NINL: variants seen among roughly 807,000 people sequenced by gnomAD.
NINL encodes ninein like.
In NINL, 153 loss-of-function variants were observed where a neutral mutation model predicts 160.3. The observed-to-expected ratio is 0.95, with a 90% CI of 0.84 to 1.09. NINL has a LOEUF of 1.09. NINL is among the 50% of genes least tolerant of loss of function. The pLI, the probability that NINL is intolerant of heterozygous loss-of-function variation, is 0.00. For missense variants in NINL, 1,829 were observed against 1,764.0 expected (o/e 1.04, Z -0.66); for synonymous variants, 800 against 734.8 (o/e 1.09, Z -1.43).
At chr20:25,526,832 T>C (rs986400640) in intron 1 of NINL, among the ~76,000 whole-genome samples, 1 of 152,136 alleles carries the variant, frequency 6.6e-6, no homozygotes, top group Non-Finnish European at 1.5e-5. Context: ...AGTCCTTCAG[T>C]CGTCAGTCAC....
Position 25,453,526 on chromosome 20 carries a change from G to C in NINL, c.4074C>G (p.Ser1358Arg). 6.2e-7 allele frequency: 1 copy of C among 1,614,120 alleles called. No homozygotes were observed. Among genetic ancestry groups the C allele is most frequent in the Non-Finnish European group, 8.5e-7 (1 of 1,179,996 alleles). Residue 1358 changes from serine to arginine, a missense_variant, in exon 24 of 24, where the codon AGC becomes AGG. Physicochemically the swap from Ser to Arg is moderately radical, Grantham distance 110. Coordinates refer to ENST00000278886, the MANE Select transcript of NINL (RefSeq NM_025176.6). ...CGCGAACTTTTTCTTCCAAGAGGCG[G>C]CTTTGTTTCTCGGCGCCTCGCTGCT... The part of the protein sequence containing the change: ...EEKQRGAEKQ[S>R]RLLEEKVRAL...
At chr20:25,495,953 G>A (rs1287349572) in intron 10 of NINL, among the ~76,000 whole-genome samples, 1 of 152,102 alleles carries the variant, frequency 6.6e-6, no homozygotes, top group African/African-American at 2.4e-5. Context: ...TGGTCATCCT[G>A]GCCAAAATGG....
intron 17 of NINL, among the ~76,000 whole-genome samples, chr20:25,470,532 T>C (rs751871137): frequency 6.6e-6 from 1 of 152,168 alleles, no homozygotes; most frequent in Non-Finnish European, 1.5e-5. Context: ...GGCCAAGATA[T>C]ATGGGAAACC....
At chr20:25,533,093 G>T (rs554856843) in intron 1 of NINL, among the ~76,000 whole-genome samples, 70 of 152,292 alleles carry the variant, frequency 4.6e-4, no homozygotes, top group Non-Finnish European at 8.1e-4. Context: ...AAGAGCCCCA[G>T]AACACAGCCC....
intron 1 of NINL, among the ~76,000 whole-genome samples, chr20:25,535,809 C>T (rs1358382174): frequency 2.6e-5 from 4 of 152,128 alleles, no homozygotes; most frequent in Non-Finnish European, 5.9e-5. Flanking sequence ...CTCCCTCTCC[C>T]GCAAAATAAT....
intron 1 of NINL, chr20:25,539,984 A>G (rs755540119): frequency 7.8e-7 from 1 of 1,279,200 alleles, no homozygotes; most frequent in South Asian, 1.2e-5. Flanking sequence ...GTGCAGCCTC[A>G]CAACAAGCAG....
At chr20:25,459,527 T>C (rs1600986608) in intron 21 of NINL, among the ~76,000 whole-genome samples, 2 of 152,156 alleles carry the variant, frequency 1.3e-5, no homozygotes, top group East Asian at 3.9e-4. Context: ...AAACGCAGCC[T>C]TCTCCCGAAG....
At chr20:25,548,079 TCTTCCCCAAGGTTC>T (rs1274064819) in intron 1 of NINL, among the ~76,000 whole-genome samples, 1 of 152,208 alleles carries the variant, frequency 6.6e-6, no homozygotes, top group East Asian at 1.9e-4. Context: ...GCAATGCTGG[TCTTCCCCAAGGTTC>T]CTGCCCTGTC....
At position 25,461,127 on chromosome 20, in the gene NINL, G is replaced by A. The variant is rs1056159022; in HGVS notation, c.3696+395C>T. ...TGCGGGGCCAGCAGATGTGGCACCC[G>A]GAGGCGTGTACAGAGGCCAGTGTCA... On this transcript the variant is annotated intron_variant, in intron 21 of 23. Coordinates refer to ENST00000278886, the MANE Select transcript of NINL (RefSeq NM_025176.6). 5.9e-5 allele frequency among the ~76,000 whole-genome samples: 9 copies of A among 152,180 alleles called. No homozygotes were observed. The East Asian group carries it at 9.6e-4, about 16-fold the overall frequency.
Position 25,476,988 on chromosome 20 carries a change from G to C in NINL, c.2303C>G (p.Pro768Arg). 6.2e-7 allele frequency: 1 copy of C among 1,604,322 alleles called. No homozygotes were observed. Among genetic ancestry groups the C allele is most frequent in the Non-Finnish European group, 8.5e-7 (1 of 1,179,788 alleles). ...CGACCTCTGGCTCCCGCGTGGCAGG[G>C]GTCCCTGCGGCGGCTCCTCCAGCTC... ...TLELEEPPQGPLPRGSQRSEQ... is the reference protein window; with the variant it reads ...TLELEEPPQGRLPRGSQRSEQ... The change falls in exon 17 of 24, where the codon CCC (proline) becomes CGC (arginine). Residue 768 changes from proline (P) to arginine (R), a missense_variant. Physicochemically the swap from Pro to Arg is moderately radical, Grantham distance 103. Coordinates refer to ENST00000278886, the MANE Select transcript of NINL (RefSeq NM_025176.6).
intron 13 of NINL, among the ~76,000 whole-genome samples, chr20:25,488,512 C>T (rs571726980): frequency 2.4e-4 from 36 of 152,172 alleles, no homozygotes; most frequent in Non-Finnish European, 4.1e-4. Context: ...GTGTGAGCCA[C>T]CGCACCCGGC....
chr20:25,559,652 G>A (rs1180247739), intron 1 of NINL, among the ~76,000 whole-genome samples: 2 of 152,184 alleles, frequency 1.3e-5, no homozygotes, highest in Non-Finnish European at 2.9e-5. Context: ...CCAGGCTGGA[G>A]TGCAATGGCC....
In NINL at chr20:25,501,011, C is replaced by G; in HGVS notation, c.862-1G>C. 1 of 1,613,544 alleles carries G rather than the reference C, an allele frequency of 6.2e-7. No individual in the cohort carries two copies. The highest frequency in any genetic ancestry group is 8.5e-7 in the Non-Finnish European group (1 of 1,179,740). On this transcript the variant is annotated splice_acceptor_variant, in intron 7 of 23. Transcript: ENST00000278886. LOFTEE classifies it high-confidence loss of function. ...TGTGGCAGCCGCTCTCCTCTGGGAC[C>G]TGCATGTCAGGAAGACTTCCATAGC...
chr20:25,462,358 G>GGTGGAA, intron 20 of NINL, 25 bp downstream of exon 20: 1 of 1,608,558 alleles, frequency 6.2e-7, no homozygotes, highest in Admixed American at 1.7e-5. Flanking sequence ...CTCCAGCTCA[G>GGTGGAA]CTCCCTGCGG....
At chr20:25,459,238 C>G (rs1226791517) in intron 21 of NINL, among the ~76,000 whole-genome samples, 1 of 152,318 alleles carries the variant, frequency 6.6e-6, no homozygotes, top group East Asian at 1.9e-4. Context: ...CATATTTGGG[C>G]TGGGCCTGAC....
chr20:25,583,773 A>G (rs1169421035), intron 1 of NINL, among the ~76,000 whole-genome samples: 1 of 152,230 alleles, frequency 6.6e-6, no homozygotes, highest in African/African-American at 2.4e-5. Flanking sequence ...GTACAGATAC[A>G]CCATGGAATA....
intron 2 of NINL, among the ~76,000 whole-genome samples, chr20:25,520,863 T>C (rs1464406571): frequency 6.6e-6 from 1 of 152,240 alleles, no homozygotes; most frequent in East Asian, 1.9e-4. Flanking sequence ...TATGCAGTTA[T>C]AAGAAAAATA....
chr20:25,455,555 T>G (rs578043520), intron 23 of NINL, 118 bp downstream of exon 23: 2 of 727,002 alleles, frequency 2.8e-6, no homozygotes, highest in African/African-American at 3.5e-5. Flanking sequence ...ATACATTTAG[T>G]TCCCTGGAAT....
intron 3 of NINL, among the ~76,000 whole-genome samples, chr20:25,513,921 C>T (rs144337838): frequency 7.2e-5 from 11 of 152,298 alleles, no homozygotes; most frequent in African/African-American, 2.4e-4. Context: ...ATTACCCAGT[C>T]TCAGGTAGTT....
Sources: gnomAD v4.1 joint callset for allele counts (sites outside exome capture counted in the v4.1 genomes callset) on GRCh38, gnomAD v4.1.1 for gene constraint, MANE v1.5 for transcripts, NCBI Gene and HGNC (gene_info 2026-07-23, HGNC 2026-07-21) for gene names.